The following NKAIN3 variants were observed in gnomAD, a reference collection of about 807,000 sequenced individuals.
NKAIN3 encodes the protein sodium/potassium-transporting ATPase subunit beta-1-interacting protein 3.
Under a neutral mutation model 30.2 loss-of-function variants are expected in NKAIN3, and 25 were observed. The observed-to-expected ratio is 0.83, with a 90% CI of 0.60 to 1.16. NKAIN3 has a LOEUF of 1.16. Ranked by LOEUF, NKAIN3 falls within the 50% of genes most tolerant of loss-of-function variation. The probability of loss-of-function intolerance (pLI) is 0.00; values close to 1 mark genes in which losing one functional copy is unlikely to be tolerated. For missense variants in NKAIN3, 225 were observed against 254.1 expected (o/e 0.89, Z 0.78); for synonymous variants, 91 against 89.6 (o/e 1.02, Z -0.09).
chr8:62,919,226 A>ATTTTTTTTTTTTTTTTTTTTT (rs1415475110), intron 5 of NKAIN3, among the ~76,000 whole-genome samples: 2 of 88,444 alleles, frequency 2.3e-5, no homozygotes, highest in Non-Finnish European at 2.2e-5. Flanking sequence ...TTACTTTCAA[A>ATTTTTTTTTTTTTTTTTTTTT]ATTTTTTTTT....
intron 1 of NKAIN3, among the ~76,000 whole-genome samples, chr8:62,502,125 A>G (rs1807473984): frequency 6.6e-6 from 1 of 152,172 alleles, no homozygotes; most frequent in Non-Finnish European, 1.5e-5. Context: ...TGCCAAGACA[A>G]TGAAGAAAAG....
At chr8:62,257,609 T>G (rs1812304021) in intron 1 of NKAIN3, among the ~76,000 whole-genome samples, 1 of 152,196 alleles carries the variant, frequency 6.6e-6, no homozygotes, top group Non-Finnish European at 1.5e-5. Context: ...CAAAATAGAA[T>G]TATTTCCTAC....
intron 3 of NKAIN3, among the ~76,000 whole-genome samples, chr8:62,700,537 C>T (rs1357097303): frequency 6.6e-6 from 1 of 152,186 alleles, no homozygotes; most frequent in Non-Finnish European, 1.5e-5. Context: ...TTTTTCCATT[C>T]ATCCCCTAAT....
chr8:62,701,283 G>A (rs1814322920), intron 3 of NKAIN3, among the ~76,000 whole-genome samples: 1 of 152,176 alleles, frequency 6.6e-6, no homozygotes, highest in South Asian at 2.1e-4. Flanking sequence ...TGCATCTGAT[G>A]TTCCCTCCTT....
At chr8:62,274,970 C>T (rs1812891011) in intron 1 of NKAIN3, among the ~76,000 whole-genome samples, 1 of 152,082 alleles carries the variant, frequency 6.6e-6, no homozygotes, top group South Asian at 2.1e-4. Context: ...ATATATGTGC[C>T]ACATTTTCTT....
chr8:62,440,253 T>C (rs1427811467), intron 1 of NKAIN3, among the ~76,000 whole-genome samples: 1 of 152,168 alleles, frequency 6.6e-6, no homozygotes, highest in Non-Finnish European at 1.5e-5. Context: ...GTGCCCTTCA[T>C]GTGTGAATTT....
chr8:62,734,389 AT>A, intron 3 of NKAIN3, among the ~76,000 whole-genome samples: 1 of 152,130 alleles, frequency 6.6e-6, no homozygotes, highest in East Asian at 1.9e-4. Flanking sequence ...TTTTCATATA[AT>A]TTTTTTTCCT....
chr8:62,846,996 C>T (rs1002610158), intron 4 of NKAIN3, among the ~76,000 whole-genome samples: 13 of 152,166 alleles, frequency 8.5e-5, no homozygotes, highest in East Asian at 1.9e-4. Context: ...AAACTGCCCC[C>T]GTGATTCAAT....
At chr8:62,867,288 T>A (rs1490964231) in intron 4 of NKAIN3, among the ~76,000 whole-genome samples, 1 of 152,146 alleles carries the variant, frequency 6.6e-6, no homozygotes, top group African/African-American at 2.4e-5. Flanking sequence ...TCTTCTCATG[T>A]CTCAATTTCT....
At chr8:62,705,249 T>C (rs1298218457) in intron 3 of NKAIN3, among the ~76,000 whole-genome samples, 1 of 152,222 alleles carries the variant, frequency 6.6e-6, no homozygotes, top group African/African-American at 2.4e-5. Flanking sequence ...TACTACTTTA[T>C]CATTTTTCAA....
At chr8:62,870,629 ACT>A (rs1235768668) in intron 4 of NKAIN3, among the ~76,000 whole-genome samples, 11 of 140,418 alleles carry the variant, frequency 7.8e-5, no homozygotes, top group East Asian at 4.0e-4. Flanking sequence ...TACAAAATAA[ACT>A]CTATTTTATA....
chr8:62,603,453 A>C (rs1811039203), intron 3 of NKAIN3, among the ~76,000 whole-genome samples: 1 of 152,186 alleles, frequency 6.6e-6, no homozygotes, highest in Admixed American at 6.5e-5. Flanking sequence ...ACAATTACTC[A>C]ATGCTACTCC....
At position 62,808,924 on chromosome 8, in the gene NKAIN3, T is replaced by C. The variant is rs571866018; in HGVS notation, c.471+61795T>C. On this transcript the variant is annotated intron_variant, in intron 4 of 6. Transcript: ENST00000623646. Reference sequence around the variant, plus strand: ...CTCATCCTAATAGGCCTGGGAGCGCTACGGGAGACCAGGGCTTATTTCATC... The same window carrying C: ...CTCATCCTAATAGGCCTGGGAGCGCCACGGGAGACCAGGGCTTATTTCATC... Among the ~76,000 whole-genome samples the C allele has an allele frequency of 3.3e-5, 5 of 152,266 alleles. No homozygotes were observed. In the South Asian group the frequency reaches 8.3e-4, roughly 25 times the overall value.
intron 4 of NKAIN3, among the ~76,000 whole-genome samples, chr8:62,844,083 T>C (rs1819605737): frequency 6.6e-6 from 1 of 152,212 alleles, no homozygotes; most frequent in Admixed American, 6.6e-5. Context: ...GACAAATTAA[T>C]ACTGTAGTAA....
intron 1 of NKAIN3, among the ~76,000 whole-genome samples, chr8:62,551,437 G>C (rs1809205063): frequency 6.6e-6 from 1 of 152,152 alleles, no homozygotes; most frequent in South Asian, 2.1e-4. Context: ...GGAGTTGTAG[G>C]AATTATGCCT....
chr8:62,558,794 C>A (rs1466810133), intron 1 of NKAIN3, among the ~76,000 whole-genome samples: 2 of 151,894 alleles, frequency 1.3e-5, no homozygotes, highest in Non-Finnish European at 2.9e-5. Flanking sequence ...TGAACTTTTT[C>A]TTTTTCTAAT....
At chr8:62,772,663 C>CTTTT (rs34456138) in intron 4 of NKAIN3, among the ~76,000 whole-genome samples, 1 of 137,302 alleles carries the variant, frequency 7.3e-6, no homozygotes, top group Non-Finnish European at 1.6e-5. Flanking sequence ...CTTTTGCCTA[C>CTTTT]TTTTTTTTTT....
intron 1 of NKAIN3, among the ~76,000 whole-genome samples, chr8:62,497,863 A>G (rs1423775094): frequency 6.6e-6 from 1 of 152,112 alleles, no homozygotes; most frequent in Non-Finnish European, 1.5e-5. Context: ...GGTTGGGTTT[A>G]TAAGCTACAA....
chr8:62,400,843 C>T lies in NKAIN3; in HGVS notation c.54+151716C>T, dbSNP rs80063416. 2.2e-4 allele frequency among the ~76,000 whole-genome samples: 33 copies of T among 152,136 alleles called. No homozygotes were observed. The East Asian group carries it at 4.4e-3, about 21-fold the overall frequency. On this transcript the variant is annotated intron_variant, in intron 1 of 6. Transcript: ENST00000623646. ...TTATTTCTCTTGTCACTTTTAGAAT[C>T]CTTTCTTTATCCTTGGCCTTTGGCA...
Sources: gnomAD v4.1 joint callset for allele counts (sites outside exome capture counted in the v4.1 genomes callset) on GRCh38, gnomAD v4.1.1 for gene constraint, MANE v1.5 for transcripts, NCBI Gene and HGNC (gene_info 2026-07-23, HGNC 2026-07-21) for gene names.